Variants in CAPN6 observed in about 807,000 individuals in gnomAD.
CAPN6 encodes the protein calpain 6.
In CAPN6, 16 loss-of-function variants were observed where a neutral mutation model predicts 46.0. The ratio of observed to expected loss-of-function variants is 0.35; its 90% CI spans 0.24 to 0.53. The LOEUF is 0.53. CAPN6 is among the 20% of genes least tolerant of loss of function. CAPN6 has a pLI of 0.94. For missense variants in CAPN6, 461 were observed against 498.0 expected (o/e 0.93, Z 0.71); for synonymous variants, 206 against 172.8 (o/e 1.19, Z -1.51).
chrX:111,248,472 C>G lies in CAPN6; in HGVS notation c.1484+97G>C, dbSNP rs58091272. On this transcript the variant is annotated intron_variant, in intron 10 of 12. Transcript: ENST00000324068. ...ATCAAGTCTGATTTAAACAAGTTGTCCCATTGAATGTCTGAAGAGGGGAGA... is the reference window on the plus strand; with the variant it reads ...ATCAAGTCTGATTTAAACAAGTTGTGCCATTGAATGTCTGAAGAGGGGAGA... 533 of 599,261 alleles carry G rather than the reference C, an allele frequency of 8.9e-4. 4 individuals carry two copies. In the African/African-American group the frequency reaches 0.011, roughly 12 times the overall value. The allele number at this position is 599,261 out of a possible 1,213,427, so 49.4% of individuals were successfully genotyped here.
chrX:111,249,468 A>G (rs1168876721), intron 8 of CAPN6, among the ~76,000 whole-genome samples: 1 of 110,995 alleles, frequency 9.0e-6, no homozygotes, highest in Non-Finnish European at 1.9e-5. Flanking sequence ...ACACTACAGC[A>G]TCACCCTGGG....
At position 111,251,636 on chromosome X, in the gene CAPN6, A is replaced by G; in HGVS notation, c.806T>C (p.Val269Ala). The change falls in exon 6 of 13, where the codon GTG (valine) becomes GCG (alanine). Residue 269 changes from valine (V) to alanine (A), a missense_variant. By Grantham distance (64) the Val-to-Ala change is moderately conservative. Transcript: ENST00000324068. The stretch of plus-strand genomic sequence containing the variant: ...CACCTTCTCAGCACTGAAGACTTCC[A>G]CAAGTCTCTCTCCAAGACGAATTTT... ...IRKIRLGERL[V>A]EVFSAEKVYM... 8.3e-7 allele frequency: 1 copy of G among 1,207,757 alleles called. No individual in the cohort carries two copies. Among genetic ancestry groups the G allele is most frequent in the Non-Finnish European group, 1.1e-6 (1 of 891,777 alleles).
intron 1 of CAPN6, among the ~76,000 whole-genome samples, chrX:111,264,199 G>A (rs922169584): frequency 7.2e-5 from 8 of 111,648 alleles, no homozygotes; most frequent in African/African-American, 2.6e-4. Flanking sequence ...TGTCAAATGG[G>A]GCAATATGGG....
intron 1 of CAPN6, among the ~76,000 whole-genome samples, chrX:111,268,247 G>C (rs7880289): frequency 0.15 from 16,626 of 111,261 alleles, 2,405 homozygotes; most frequent in African/African-American, 0.45. Context: ...ATTTTAATTC[G>C]GTTGCTCAAT....
intron 1 of CAPN6, among the ~76,000 whole-genome samples, chrX:111,267,589 C>T (rs751156022): frequency 5.4e-5 from 6 of 111,272 alleles, no homozygotes; most frequent in Non-Finnish European, 1.1e-4. Context: ...TGCTTCTTAA[C>T]CTGCGGGTTA....
rs749934171 is a variant in CAPN6 at position 111,246,726 on chromosome X, A to G, written c.1777T>C (p.Leu593=). The part of the protein sequence containing the change: ...WNSRKFCDQF[L]GQVTLDADPS... ...TCAGCATCCAGAGTAACCTGCCCCA[A>G]GAACTGATCACAGAATTTTCGGCTG... Residue 593 remains leucine, a synonymous_variant, in exon 13 of 13, where the codon TTG becomes CTG. Coordinates refer to ENST00000324068, the MANE Select transcript of CAPN6 (RefSeq NM_014289.4). The G allele has an allele frequency of 3.3e-6, 4 of 1,208,431 alleles. No homozygotes were observed. The highest frequency in any genetic ancestry group is 2.2e-5 in the Admixed American group (1 of 45,486).
rs1392936541 is a variant in CAPN6 at position 111,246,367 on chromosome X, C to T, written c.*210G>A. The stretch of plus-strand genomic sequence containing the variant: ...TATGATGTCTAGATAGGACTGTCGC[C>T]TCCCCATGTCCAGCTGCTGGAGGTA... On this transcript the variant is annotated 3_prime_UTR_variant, in exon 13 of 13. Transcript: ENST00000324068. 18 of 415,895 alleles carry T rather than the reference C, an allele frequency of 4.3e-5. No individual in the cohort carries two copies. The South Asian group carries it at 7.8e-4, about 18-fold the overall frequency. The allele number at this position is 415,895 out of a possible 1,213,427, so 34.3% of individuals were successfully genotyped here.
At chrX:111,267,783 T>C (rs781770511) in intron 1 of CAPN6, among the ~76,000 whole-genome samples, 1 of 111,312 alleles carries the variant, frequency 9.0e-6, no homozygotes, top group Non-Finnish European at 1.9e-5. Context: ...CTCAGTTTCA[T>C]CCCTGTTCTG....
intron 2 of CAPN6, 44 bp downstream of exon 2, chrX:111,263,728 A>T: frequency 9.0e-7 from 1 of 1,110,978 alleles, no homozygotes; most frequent in Non-Finnish European, 1.2e-6. Context: ...TAGAAGTATG[A>T]TGAAGGAGGT....
Position 111,246,478 on chromosome X carries a change from C to T in CAPN6, c.*99G>A, listed in dbSNP as rs982738925. 4 of 707,327 alleles carry T rather than the reference C, an allele frequency of 5.7e-6. No homozygotes were observed. The highest frequency in any genetic ancestry group is 5.8e-5 in the Admixed American group (2 of 34,594). The allele number at this position is 707,327 out of a possible 1,213,427, so 58.3% of individuals were successfully genotyped here. A position where few individuals can be genotyped will look rare whatever the true frequency, so the allele number is the denominator to read the frequency against. ...AGAGGAAGAGTTAATTATTGTGAAT[C>T]TCATTCTTTCTAAAGATTGTGAATC... is the stretch of plus-strand genomic sequence containing the variant. On this transcript the variant is annotated 3_prime_UTR_variant, in exon 13 of 13. Transcript: ENST00000324068.
At chrX:111,269,519 A>G (rs1482030688) in intron 1 of CAPN6, among the ~76,000 whole-genome samples, 5 of 112,197 alleles carry the variant, frequency 4.5e-5, no homozygotes, top group Non-Finnish European at 7.5e-5. Flanking sequence ...GAGTTTTCCT[A>G]TGTGCTTTTC....
Position 111,251,600 on chromosome X carries a change from C to T in CAPN6, c.842G>A (p.Arg281His). The T allele has an allele frequency of 9.1e-6, 11 of 1,210,198 alleles. No homozygotes were observed. The highest frequency in any genetic ancestry group is 3.5e-5 in the South Asian group (2 of 56,878). The part of the protein sequence containing the change: ...VFSAEKVYMV[R>H]LRNPLGRQEW... ...CTGTCTTCCCAAGGGGTTTCTCAGG[C>T]GAACCATATACACCTTCTCAGCACT... Residue 281 changes from arginine (R) to histidine (H), a missense_variant, in exon 6 of 13, where the codon CGC becomes CAC. Transcript: ENST00000324068.
At chrX:111,247,757 C>T in intron 11 of CAPN6, 114 bp downstream of exon 11, 1 of 973,375 alleles carries the variant, frequency 1.0e-6, no homozygotes, top group Non-Finnish European at 1.4e-6. Flanking sequence ...CATCCATTCC[C>T]AACTTCTCTA....
At chrX:111,260,364 G>C (rs1387553270) in intron 2 of CAPN6, among the ~76,000 whole-genome samples, 1 of 113,036 alleles carries the variant, frequency 8.8e-6, no homozygotes, top group African/African-American at 3.2e-5. Context: ...GGAGGCTTAC[G>C]AAGGCAAAAG....
intron 2 of CAPN6, among the ~76,000 whole-genome samples, chrX:111,259,830 G>A (rs2094986515): frequency 9.0e-6 from 1 of 111,530 alleles, no homozygotes. Context: ...AGTCAGTAAG[G>A]AAAAACGCCA....
intron 2 of CAPN6, among the ~76,000 whole-genome samples, chrX:111,255,114 G>A (rs1311468130): frequency 8.9e-6 from 1 of 111,972 alleles, no homozygotes; most frequent in Non-Finnish European, 1.9e-5. Flanking sequence ...ATGTATGTGT[G>A]TATCTTCCCC....
intron 2 of CAPN6, among the ~76,000 whole-genome samples, chrX:111,262,845 G>T (rs898809042): frequency 2.7e-5 from 3 of 112,043 alleles, no homozygotes; most frequent in African/African-American, 9.7e-5. Context: ...ACTATTAATA[G>T]TTACTACTAA....
rs1199617985 is a variant in CAPN6, at chrX:111,263,810, G to T, written c.127C>A (p.Arg43=). 1 of 1,209,657 alleles carries T rather than the reference G, an allele frequency of 8.3e-7. No individual in the cohort carries two copies. The highest frequency in any genetic ancestry group is 3.0e-5 in the East Asian group (1 of 33,774). ...LPENDSLFYN[R]LLPGKVVWKR... is the part of the protein sequence containing the mutation. ...CACACCACCTTTCCAGGAAGCAGTC[G>T]GTTGTAGAAAAGAGAATCATTCTCA... is the stretch of plus-strand genomic sequence containing the variant. Residue 43 remains arginine, a synonymous_variant, in exon 2 of 13, where the codon CGA becomes AGA. Coordinates refer to ENST00000324068, the MANE Select transcript of CAPN6 (RefSeq NM_014289.4).
At chrX:111,247,676 T>C (rs989638656) in intron 11 of CAPN6, among the ~76,000 whole-genome samples, 172 bp from the exon 12 acceptor site, 1 of 111,862 alleles carries the variant, frequency 8.9e-6, no homozygotes, top group African/African-American at 3.3e-5. Context: ...CCATATTTTA[T>C]ATAGGAATAT....
Sources: gnomAD v4.1 joint callset for allele counts (sites outside exome capture counted in the v4.1 genomes callset) on GRCh38, gnomAD v4.1.1 for gene constraint, MANE v1.5 for transcripts, NCBI Gene and HGNC (gene_info 2026-07-23, HGNC 2026-07-21) for gene names.